The following DLG5 variants were observed in gnomAD, a reference collection of about 807,000 sequenced individuals.
DLG5 encodes discs large MAGUK scaffold protein 5, also known as disks large homolog 5.
Under a neutral mutation model 189.8 loss-of-function variants are expected in DLG5, and 48 were observed. That is an observed-to-expected ratio of 0.25 (90% CI 0.20 to 0.32). The LOEUF is 0.32. Among genes scored for constraint, DLG5 ranks in the 10% least tolerant of loss-of-function variants. DLG5 has a pLI of 1.00. For synonymous variants in DLG5, 1,016 were observed against 1,054.1 expected, an observed-to-expected ratio of 0.96 and a Z score of 0.70; for missense variants, 2,160 against 2,544.7, an observed-to-expected ratio of 0.85 and a Z score of 3.25.
Position 77,809,742 on chromosome 10 carries a change from AAAAC to A in DLG5, c.4464-16_4464-13del. The A allele has an allele frequency of 6.2e-7, 1 of 1,609,670 alleles. No homozygotes were observed. Among genetic ancestry groups the A allele is most frequent in the Non-Finnish European group, 8.5e-7 (1 of 1,177,996 alleles). On this transcript the variant is annotated splice_polypyrimidine_tract_variant and intron_variant, in intron 23 of 31. Transcript: ENST00000372391. ...CATCTCCCGCAATCCTTTCAGGAAA[AAAAC>A]AAAGTTCCTCAACTGTGCACAAAGA...
chr10:77,863,971 C>T (rs1337529579), intron 2 of DLG5, among the ~76,000 whole-genome samples: 2 of 152,166 alleles, frequency 1.3e-5, no homozygotes, highest in Non-Finnish European at 2.9e-5. Flanking sequence ...GGCTCAGAGC[C>T]GTCCCAACAC....
intron 1 of DLG5, among the ~76,000 whole-genome samples, chr10:77,871,909 CT>C (rs1027818794): frequency 6.6e-6 from 1 of 152,134 alleles, no homozygotes; most frequent in African/African-American, 2.4e-5. Context: ...GCTTCAATAT[CT>C]GTGAAATAAA....
chr10:77,914,762 T>A (rs1182917891), intron 1 of DLG5, among the ~76,000 whole-genome samples: 2 of 152,028 alleles, frequency 1.3e-5, no homozygotes, highest in East Asian at 3.9e-4. Context: ...GCCCAAAACT[T>A]AACCAGTCCC....
chr10:77,931,188 C>T (rs1345857320), upstream of DLG5, among the ~76,000 whole-genome samples: 1 of 152,056 alleles, frequency 6.6e-6, no homozygotes, highest in Non-Finnish European at 1.5e-5. Flanking sequence ...AACACCTAGC[C>T]TCAAGAGATC....
chr10:77,887,631 C>T (rs1279305344), intron 1 of DLG5, among the ~76,000 whole-genome samples: 1 of 152,120 alleles, frequency 6.6e-6, no homozygotes, highest in Admixed American at 6.5e-5. Flanking sequence ...GGAAAGGCTA[C>T]TAAGAATAAA....
intron 1 of DLG5, among the ~76,000 whole-genome samples, chr10:77,891,532 C>T (rs561640110): frequency 2.1e-4 from 32 of 151,360 alleles, no homozygotes; most frequent in Non-Finnish European, 3.5e-4. Context: ...TCACACAGCT[C>T]ATTATTCATA....
intron 27 of DLG5, among the ~76,000 whole-genome samples, chr10:77,803,445 T>C (rs1841316905): frequency 6.6e-6 from 1 of 152,170 alleles, no homozygotes; most frequent in African/African-American, 2.4e-5. Flanking sequence ...ATAAGGGATA[T>C]TTAAATATAA....
chr10:77,817,191 C>G, intron 18 of DLG5, 95 bp from the exon 19 acceptor site: 2 of 1,121,974 alleles, frequency 1.8e-6, no homozygotes, highest in Non-Finnish European at 2.7e-6. Context: ...ATAATAAATG[C>G]AAAGCTGGGC....
chr10:77,803,543 C>T (rs981578760), intron 27 of DLG5, among the ~76,000 whole-genome samples: 6 of 152,036 alleles, frequency 3.9e-5, no homozygotes, highest in African/African-American at 1.2e-4. Context: ...AAAAATATCA[C>T]GTAAAATAGA....
At chr10:77,920,183 A>T (rs1846494376) in intron 1 of DLG5, among the ~76,000 whole-genome samples, 1 of 152,162 alleles carries the variant, frequency 6.6e-6, no homozygotes, top group South Asian at 2.1e-4. Context: ...TACTACTGCC[A>T]CTGTTGTGCT....
At position 77,819,879 on chromosome 10, in the gene DLG5, T is replaced by A. The variant is rs772750069; in HGVS notation, c.3526+16A>T. 1.9e-6 allele frequency: 3 copies of A among 1,541,168 alleles called. No homozygotes were observed. ...TACACCGACCCTCAGCCCCAGCCCC[T>A]GGCTGGCTGACTCACCCACAGACGG... On this transcript the variant is annotated intron_variant, in intron 16 of 31. Transcript: ENST00000372391.
chr10:77,865,807 T>G (rs918109319), intron 2 of DLG5, among the ~76,000 whole-genome samples: 5 of 152,096 alleles, frequency 3.3e-5, no homozygotes, highest in African/African-American at 1.2e-4. Context: ...CACAAAGACC[T>G]GCTGCCTTTA....
chr10:77,874,238 T>C (rs1845014510), intron 1 of DLG5, among the ~76,000 whole-genome samples: 1 of 152,252 alleles, frequency 6.6e-6, no homozygotes, highest in Admixed American at 6.5e-5. Flanking sequence ...GCAGCACAGC[T>C]GGGGCCAAAC....
intron 3 of DLG5, 96 bp from the exon 4 acceptor site, chr10:77,854,466 C>A: frequency 6.6e-7 from 1 of 1,507,270 alleles, no homozygotes; most frequent in Non-Finnish European, 9.0e-7. Flanking sequence ...AGTGGTTCCC[C>A]AGTACTGGTC....
intron 13 of DLG5, among the ~76,000 whole-genome samples, chr10:77,828,486 CAAAAA>C (rs34839290): frequency 1.7e-4 from 11 of 66,492 alleles, no homozygotes; most frequent in Non-Finnish European, 2.4e-4. Context: ...GACTCCATAT[CAAAAA>C]AAAAAAAAAA....
intron 14 of DLG5, 100 bp from the exon 15 acceptor site, chr10:77,822,201 G>A: frequency 7.5e-7 from 1 of 1,339,274 alleles, no homozygotes; most frequent in East Asian, 2.3e-5. Context: ...GGTCAGGAAT[G>A]GGCCACCTGC....
intron 27 of DLG5, among the ~76,000 whole-genome samples, chr10:77,802,554 CA>C (rs1182872026): frequency 6.6e-6 from 1 of 152,230 alleles, no homozygotes; most frequent in Non-Finnish European, 1.5e-5. Flanking sequence ...TGCAAATGGA[CA>C]GACTGAGTCA....
chr10:77,913,565 C>A (rs958063826), intron 1 of DLG5, among the ~76,000 whole-genome samples: 11 of 152,092 alleles, frequency 7.2e-5, no homozygotes, highest in Admixed American at 2.0e-4. Flanking sequence ...CCTCTCTGTT[C>A]TTCCACATGT....
At position 77,821,733 on chromosome 10, in the gene DLG5, C is replaced by T; in HGVS notation, c.2751G>A (p.Leu917=). ...LVDVRGRRPL[L]PFETEVGPCG... ...AGGGGCCCACCTCGGTCTCAAAGGGCAGCAGTGGCCGCCGGCCACGCACGT... is the reference window on the plus strand; with the variant it reads ...AGGGGCCCACCTCGGTCTCAAAGGGTAGCAGTGGCCGCCGGCCACGCACGT... The change falls in exon 15 of 32, where the codon CTG becomes CTA. Residue 917 remains leucine, a synonymous_variant. Transcript: ENST00000372391. The T allele has an allele frequency of 4.3e-6, 7 of 1,610,252 alleles. No individual in the cohort carries two copies. The highest frequency in any genetic ancestry group is 5.1e-6 in the Non-Finnish European group (6 of 1,178,864).
Sources: allele counts gnomAD v4.1 joint callset (sites outside exome capture counted in the v4.1 genomes callset), GRCh38; gene constraint gnomAD v4.1.1; transcripts MANE v1.5; gene names NCBI Gene and HGNC (gene_info 2026-07-23, HGNC 2026-07-21).